PTPRT: variants seen among roughly 807,000 people sequenced by gnomAD.
The protein encoded by PTPRT is protein tyrosine phosphatase receptor type T.
PTPRT carries 56 observed loss-of-function variants against 176.8 expected under a neutral mutation model. The ratio of observed to expected loss-of-function variants is 0.32; its 90% CI spans 0.26 to 0.40. The LOEUF (loss-of-function observed/expected upper bound fraction) is 0.40. Ranked by LOEUF, PTPRT falls within the 10% of genes least tolerant of loss-of-function variation. The pLI, the probability that PTPRT is intolerant of heterozygous loss-of-function variation, is 1.00. For missense variants in PTPRT, 1,540 were observed against 1,908.2 expected (o/e 0.81, Z 3.60); for synonymous variants, 783 against 739.0 (o/e 1.06, Z -0.96).
intron 9 of PTPRT, among the ~76,000 whole-genome samples, chr20:42,431,944 C>T (rs190488987): frequency 7.2e-5 from 11 of 152,336 alleles, no homozygotes; most frequent in Admixed American, 6.5e-4. Context: ...CCTCTCACAA[C>T]AGCAGATAGA....
intron 1 of PTPRT, among the ~76,000 whole-genome samples, chr20:43,085,645 ACTC>A (rs1039635102): frequency 4.0e-5 from 6 of 151,726 alleles, no homozygotes; most frequent in Non-Finnish European, 8.8e-5. Flanking sequence ...GTGCAGGGGA[ACTC>A]CCCTTTTATA....
At chr20:42,794,111 C>T (rs1165857806) in intron 2 of PTPRT, among the ~76,000 whole-genome samples, 1 of 152,188 alleles carries the variant, frequency 6.6e-6, no homozygotes, top group African/African-American at 2.4e-5. Flanking sequence ...GGCAGGCTCG[C>T]TGAGGAGGTA....
At chr20:42,375,068 T>C (rs1334789084) in intron 9 of PTPRT, among the ~76,000 whole-genome samples, 1 of 152,176 alleles carries the variant, frequency 6.6e-6, no homozygotes, top group Non-Finnish European at 1.5e-5. Flanking sequence ...TTGAAGTTAA[T>C]CCCAAAGACT....
At chr20:42,319,924 A>G (rs1418309945) in intron 11 of PTPRT, among the ~76,000 whole-genome samples, 2 of 152,114 alleles carry the variant, frequency 1.3e-5, no homozygotes, top group Non-Finnish European at 2.9e-5. Flanking sequence ...AAGAGAAAGG[A>G]TTTTTTTAGT....
intron 18 of PTPRT, among the ~76,000 whole-genome samples, chr20:42,132,674 TG>T (rs1361352172): frequency 6.6e-6 from 1 of 152,140 alleles, no homozygotes; most frequent in African/African-American, 2.4e-5. Flanking sequence ...CACCACAGGC[TG>T]GGGAGGATGT....
chr20:42,604,085 C>T (rs12106100), intron 7 of PTPRT, among the ~76,000 whole-genome samples: 20,739 of 152,230 alleles, frequency 0.14, 1,482 homozygotes, highest in African/African-American at 0.16. Context: ...AAACAGTTCT[C>T]AGTGTCTTGG....
At chr20:42,989,512 T>C (rs1259696635) in intron 1 of PTPRT, among the ~76,000 whole-genome samples, 2 of 152,214 alleles carry the variant, frequency 1.3e-5, no homozygotes, top group East Asian at 3.9e-4. Context: ...CCAGTGAGGC[T>C]GACAAGGACT....
chr20:42,874,735 C>A (rs2078902346), intron 2 of PTPRT, among the ~76,000 whole-genome samples: 3 of 152,104 alleles, frequency 2.0e-5, no homozygotes, highest in Admixed American at 2.0e-4. Context: ...TAATAACATC[C>A]AGCTCACAGT....
chr20:42,903,492 C>T (rs1046153918), intron 1 of PTPRT, among the ~76,000 whole-genome samples: 15 of 152,160 alleles, frequency 9.9e-5, no homozygotes, highest in African/African-American at 3.4e-4. Context: ...CAATTAAACT[C>T]GATAATAGCA....
intron 1 of PTPRT, among the ~76,000 whole-genome samples, chr20:42,910,281 C>A (rs1268854675): frequency 6.6e-6 from 1 of 152,172 alleles, no homozygotes; most frequent in Non-Finnish European, 1.5e-5. Flanking sequence ...TTCTCTACAA[C>A]CCTGGAAGGC....
chr20:42,238,772 T>A (rs1010597418), intron 14 of PTPRT, among the ~76,000 whole-genome samples: 1 of 152,178 alleles, frequency 6.6e-6, no homozygotes, highest in East Asian at 1.9e-4. Flanking sequence ...ATGGCATAGA[T>A]GACCGACAGC....
chr20:42,633,842 T>C (rs1453290845), intron 7 of PTPRT, among the ~76,000 whole-genome samples: 20 of 91,120 alleles, frequency 2.2e-4, no homozygotes, highest in Non-Finnish European at 2.9e-4. Context: ...TATATTATAA[T>C]AATATAATTT....
chr20:42,893,626 G>A (rs1343486760), intron 1 of PTPRT, among the ~76,000 whole-genome samples: 2 of 151,918 alleles, frequency 1.3e-5, no homozygotes, highest in Admixed American at 1.3e-4. Flanking sequence ...GTCCAACAAC[G>A]ATAGACTGGA....
chr20:42,414,326 C>T (rs760060869), intron 9 of PTPRT, among the ~76,000 whole-genome samples: 1 of 152,178 alleles, frequency 6.6e-6, no homozygotes, highest in Non-Finnish European at 1.5e-5. Context: ...ATTTTGCTTT[C>T]TGTTTAATGT....
intron 27 of PTPRT, among the ~76,000 whole-genome samples, chr20:42,091,196 A>C (rs1243518732): frequency 6.6e-6 from 1 of 152,222 alleles, no homozygotes; most frequent in Non-Finnish European, 1.5e-5. Context: ...ATAGCCCTGG[A>C]ACAGCTGCCA....
chr20:42,365,790 T>C (rs567054923), intron 9 of PTPRT, among the ~76,000 whole-genome samples: 1 of 152,222 alleles, frequency 6.6e-6, no homozygotes, highest in Admixed American at 6.5e-5. Flanking sequence ...AAGCTTCGTC[T>C]AGAGCAAGCA....
At chr20:42,899,211 T>C (rs902568304) in intron 1 of PTPRT, among the ~76,000 whole-genome samples, 7 of 152,254 alleles carry the variant, frequency 4.6e-5, no homozygotes, top group Admixed American at 6.5e-5. Context: ...CTTTTCCATT[T>C]TTATTTTGAG....
intron 7 of PTPRT, among the ~76,000 whole-genome samples, chr20:42,633,393 A>G (rs1042011433): frequency 2.6e-5 from 4 of 152,104 alleles, no homozygotes; most frequent in African/African-American, 9.7e-5. Context: ...ACGGTATCAT[A>G]GTTTTTAAGA....
chr20:42,161,609 C>CT, intron 16 of PTPRT, 67 bp from the exon 17 acceptor site: 1 of 1,506,824 alleles, frequency 6.6e-7, no homozygotes, highest in Non-Finnish European at 8.9e-7. Flanking sequence ...CTCCCTGTCT[C>CT]CCCCAGCTTG....
Sources: gnomAD v4.1 joint callset for allele counts (sites outside exome capture counted in the v4.1 genomes callset) on GRCh38, gnomAD v4.1.1 for gene constraint, MANE v1.5 for transcripts, NCBI Gene and HGNC (gene_info 2026-07-23, HGNC 2026-07-21) for gene names.